The following KIF16B variants were observed in gnomAD, a reference collection of about 807,000 sequenced individuals.
KIF16B encodes the protein kinesin family member 16B.
In KIF16B, 98 loss-of-function variants were observed where a neutral mutation model predicts 156.3. That is an observed-to-expected ratio of 0.63 (90% CI 0.53 to 0.74). The LOEUF is 0.74. Among genes scored for constraint, KIF16B ranks in the 30% least tolerant of loss-of-function variants. The pLI is 0.00. For synonymous variants in KIF16B, 564 were observed against 583.7 expected, an observed-to-expected ratio of 0.97 and a Z score of 0.49; for missense variants, 1,421 against 1,606.5, an observed-to-expected ratio of 0.88 and a Z score of 1.97.
At chr20:16,570,252 C>G (rs746164240) in intron 1 of KIF16B, among the ~76,000 whole-genome samples, 6 of 151,880 alleles carry the variant, frequency 4.0e-5, no homozygotes, top group African/African-American at 7.3e-5. Flanking sequence ...GCAATATAAT[C>G]CATATAATAA....
chr20:16,296,130 G>A (rs2063382850), intron 25 of KIF16B, among the ~76,000 whole-genome samples: 1 of 152,116 alleles, frequency 6.6e-6, no homozygotes, highest in African/African-American at 2.4e-5. Flanking sequence ...ATATTAAAAG[G>A]GTATTTAATT....
chr20:16,534,618 T>C (rs544940125), intron 1 of KIF16B, among the ~76,000 whole-genome samples: 1 of 152,312 alleles, frequency 6.6e-6, no homozygotes, highest in Admixed American at 6.5e-5. Context: ...TTCCCTATGT[T>C]CTCTTCTAGT....
At chr20:16,439,509 C>T (rs1356368339) in intron 12 of KIF16B, among the ~76,000 whole-genome samples, 1 of 152,176 alleles carries the variant, frequency 6.6e-6, no homozygotes, top group Non-Finnish European at 1.5e-5. Context: ...TGCAGGGCTT[C>T]TCCGTGTGCT....
chr20:16,547,332 A>G (rs1395817551), intron 1 of KIF16B, among the ~76,000 whole-genome samples: 1 of 152,246 alleles, frequency 6.6e-6, no homozygotes, highest in Non-Finnish European at 1.5e-5. Flanking sequence ...ATCATGGCTC[A>G]TGCCCTTAGA....
chr20:16,551,652 A>G (rs1289981601), intron 1 of KIF16B, among the ~76,000 whole-genome samples: 1 of 152,196 alleles, frequency 6.6e-6, no homozygotes, highest in Non-Finnish European at 1.5e-5. Flanking sequence ...AATCGAATAC[A>G]CTACCACAGT....
intron 10 of KIF16B, among the ~76,000 whole-genome samples, chr20:16,501,127 T>C (rs1568609740): frequency 6.6e-6 from 1 of 151,872 alleles, no homozygotes; most frequent in Non-Finnish European, 1.5e-5. Flanking sequence ...AAAATTATTC[T>C]ATGATTCTGG....
chr20:16,523,091 A>C (rs1210653855), intron 3 of KIF16B, among the ~76,000 whole-genome samples: 1 of 152,236 alleles, frequency 6.6e-6, no homozygotes, highest in African/African-American at 2.4e-5. Flanking sequence ...TGAATGGGCA[A>C]AAGTCGGAAG....
At chr20:16,326,949 TAAAGAA>T (rs1335093166) in intron 24 of KIF16B, among the ~76,000 whole-genome samples, 1 of 148,304 alleles carries the variant, frequency 6.7e-6, no homozygotes, top group Non-Finnish European at 1.5e-5. Context: ...ACCAAGTGGA[TAAAGAA>T]AATGTTATAT....
At chr20:16,413,148 T>C (rs1003179893) in intron 15 of KIF16B, among the ~76,000 whole-genome samples, 4 of 152,148 alleles carry the variant, frequency 2.6e-5, no homozygotes, top group Admixed American at 2.6e-4. Context: ...TGTGATGCAC[T>C]TAATTTGTAA....
chr20:16,309,248 C>T (rs1228586225), intron 25 of KIF16B, among the ~76,000 whole-genome samples: 2 of 152,216 alleles, frequency 1.3e-5, no homozygotes, highest in East Asian at 3.8e-4. Flanking sequence ...ATCAGTGGAG[C>T]AGATAGAAGT....
chr20:16,335,460 C>T (rs982454066), intron 24 of KIF16B, among the ~76,000 whole-genome samples: 8 of 152,144 alleles, frequency 5.3e-5, no homozygotes, highest in Admixed American at 3.3e-4. Flanking sequence ...TTTCCCTCTA[C>T]GTTCAATGGC....
rs548328976 is a variant in KIF16B at position 16,444,687 on chromosome 20, A to AT, written c.1303-14706dup. ...GTTTTACACAGTTACATAAAATTCCATTTTTTTGTATCTACTTTAATGTAT... is the reference window on the plus strand; with the variant it reads ...GTTTTACACAGTTACATAAAATTCCATTTTTTTTGTATCTACTTTAATGTAT... On this transcript the variant is annotated intron_variant, in intron 12 of 25. Transcript: ENST00000354981. 3.5e-4 allele frequency among the ~76,000 whole-genome samples: 53 copies of AT among 152,256 alleles called. No homozygotes were observed. The East Asian group carries it at 5.2e-3, about 15-fold the overall frequency.
intron 12 of KIF16B, among the ~76,000 whole-genome samples, chr20:16,481,292 C>A (rs562442555): frequency 1.3e-5 from 2 of 152,262 alleles, no homozygotes; most frequent in East Asian, 3.9e-4. Context: ...ACCTTCCAGG[C>A]TCAAGCAGTC....
rs908601167 is a variant in KIF16B at position 16,522,924 on chromosome 20, T to C, written c.231+3168A>G. 7.9e-5 allele frequency among the ~76,000 whole-genome samples: 12 copies of C among 152,054 alleles called. No individual in the cohort carries two copies. In the East Asian group the frequency reaches 2.3e-3, roughly 29 times the overall value. On this transcript the variant is annotated intron_variant, in intron 3 of 25. Coordinates refer to ENST00000354981, the MANE Select transcript of KIF16B (RefSeq NM_024704.5). ...CAATCCATCACATAAACAGAACGAA[T>C]GACAAAAACCACATGATTATCTCAA...
At chr20:16,531,518 C>T (rs2069747817) in intron 1 of KIF16B, among the ~76,000 whole-genome samples, 1 of 152,158 alleles carries the variant, frequency 6.6e-6, no homozygotes, top group African/African-American at 2.4e-5. Context: ...ACCAACGCGA[C>T]TGCCCCAGGG....
intron 1 of KIF16B, among the ~76,000 whole-genome samples, chr20:16,552,396 C>T (rs1487868876): frequency 1.3e-5 from 2 of 152,230 alleles, no homozygotes; most frequent in African/African-American, 2.4e-5. Flanking sequence ...TATTAACACG[C>T]AGCCATTATG....
chr20:16,549,545 G>A (rs28866003), intron 1 of KIF16B, among the ~76,000 whole-genome samples: 1 of 151,930 alleles, frequency 6.6e-6, no homozygotes, highest in Non-Finnish European at 1.5e-5. Context: ...TAGTCCTTTG[G>A]GTATATACCC....
Position 16,350,543 on chromosome 20 carries a change from AG to A in KIF16B, c.3621+5786del, listed in dbSNP as rs1568873857. Among the ~76,000 whole-genome samples the A allele has an allele frequency of 2.6e-5, 4 of 151,980 alleles. No homozygotes were observed. The South Asian group carries it at 8.3e-4, about 32-fold the overall frequency. ...GGTGGTGCTGAGAAGGCGGGAGGGA[AG>A]GTGGGGAGGAGGGAAGATGGGAGGC... is the stretch of plus-strand genomic sequence containing the variant. On this transcript the variant is annotated intron_variant, in intron 23 of 25. Coordinates refer to ENST00000354981, the MANE Select transcript of KIF16B (RefSeq NM_024704.5).
chr20:16,309,464 G>A (rs1019983276), intron 25 of KIF16B, among the ~76,000 whole-genome samples: 10 of 152,074 alleles, frequency 6.6e-5, no homozygotes, highest in East Asian at 3.9e-4. Context: ...AACATCTGAC[G>A]ACAGTGAGAA....
Sources: allele counts gnomAD v4.1 joint callset (sites outside exome capture counted in the v4.1 genomes callset), GRCh38; gene constraint gnomAD v4.1.1; transcripts MANE v1.5; gene names NCBI Gene and HGNC (gene_info 2026-07-23, HGNC 2026-07-21).